The following SH3GL2 variants were observed in gnomAD, a reference collection of about 807,000 sequenced individuals.
SH3GL2 encodes the protein SH3 domain containing GRB2 like 2, endophilin A1.
A neutral mutation model predicts 46.0 loss-of-function variants in SH3GL2; 24 were observed. The ratio of observed to expected loss-of-function variants is 0.52; its 90% CI spans 0.38 to 0.73. SH3GL2 has a LOEUF of 0.73. Among genes scored for constraint, SH3GL2 ranks in the 30% least tolerant of loss-of-function variants. The pLI is 0.00. For missense variants in SH3GL2, 413 were observed against 424.2 expected, an observed-to-expected ratio of 0.97 and a Z score of 0.23; for synonymous variants, 196 against 147.1, an observed-to-expected ratio of 1.33 and a Z score of -2.40.
chr9:17,710,697 G>A (rs148989300), intron 1 of SH3GL2, among the ~76,000 whole-genome samples: 7 of 152,010 alleles, frequency 4.6e-5, no homozygotes, highest in East Asian at 1.9e-4. Context: ...ATGGCATATC[G>A]TTAAAACCTT....
chr9:17,724,597 G>T (rs970866020), intron 1 of SH3GL2, among the ~76,000 whole-genome samples: 2 of 152,084 alleles, frequency 1.3e-5, no homozygotes, highest in African/African-American at 4.8e-5. Context: ...ACATGCATGT[G>T]TGTGTATGTG....
At chr9:17,597,418 G>A (rs143229764) in intron 1 of SH3GL2, among the ~76,000 whole-genome samples, 4,169 of 152,028 alleles carry the variant, frequency 0.027, 127 homozygotes, top group African/African-American at 0.073. Context: ...TCGGGAGGCC[G>A]AGGCAGGAGA....
intron 1 of SH3GL2, among the ~76,000 whole-genome samples, chr9:17,606,986 A>C (rs553442959): frequency 1.3e-5 from 2 of 152,218 alleles, no homozygotes; most frequent in Non-Finnish European, 2.9e-5. Context: ...TCAGAGGAGC[A>C]TGTTTACTAG....
chr9:17,596,138 T>G (rs1040330366), intron 1 of SH3GL2, among the ~76,000 whole-genome samples: 1 of 152,148 alleles, frequency 6.6e-6, no homozygotes, highest in Non-Finnish European at 1.5e-5. Flanking sequence ...GAACTATAAA[T>G]ATATGTCAGT....
At chr9:17,635,346 G>A (rs1236089113) in intron 1 of SH3GL2, among the ~76,000 whole-genome samples, 1 of 152,152 alleles carries the variant, frequency 6.6e-6, no homozygotes, top group Admixed American at 6.5e-5. Context: ...AGTATTCCAT[G>A]TTGTATATGT....
chr9:17,633,462 A>G (rs1039214734), intron 1 of SH3GL2, among the ~76,000 whole-genome samples: 1 of 152,250 alleles, frequency 6.6e-6, no homozygotes, highest in South Asian at 2.1e-4. Flanking sequence ...TAGGTACTGC[A>G]CAAGTGTCCT....
At position 17,645,147 on chromosome 9, in the gene SH3GL2, G is replaced by A. The variant is rs189552063; in HGVS notation, c.45+65860G>A. On this transcript the variant is annotated intron_variant, in intron 1 of 8. Coordinates refer to ENST00000380607, the MANE Select transcript of SH3GL2 (RefSeq NM_003026.5). ...TTTATCAGAGACTAGGATTGCAAAC[G>A]CTGCTTTTTTTTTTTTTTTTTTTTT... is the stretch of plus-strand genomic sequence containing the variant. 5.9e-4 allele frequency among the ~76,000 whole-genome samples: 65 copies of A among 109,580 alleles called. 1 individual carries two copies. Among genetic ancestry groups the A allele is most frequent in the African/African-American group, 1.9e-3 (56 of 29,516 alleles). 71.9% of individuals were successfully genotyped at this position (109,580 alleles called of 152,430 possible).
intron 1 of SH3GL2, among the ~76,000 whole-genome samples, chr9:17,639,473 A>G (rs573060145): frequency 1.2e-4 from 18 of 152,352 alleles, no homozygotes; most frequent in East Asian, 3.9e-4. Flanking sequence ...TAAAGCCACA[A>G]TGCGATACAA....
At chr9:17,642,790 T>G (rs892026931) in intron 1 of SH3GL2, among the ~76,000 whole-genome samples, 1 of 152,206 alleles carries the variant, frequency 6.6e-6, no homozygotes, top group African/African-American at 2.4e-5. Flanking sequence ...GCGTGATACC[T>G]CCAGCTTTGT....
At chr9:17,687,359 A>C (rs911310574) in intron 1 of SH3GL2, among the ~76,000 whole-genome samples, 1 of 152,146 alleles carries the variant, frequency 6.6e-6, no homozygotes. Flanking sequence ...GGATTTTGTG[A>C]GAACAGGAGA....
At chr9:17,745,981 T>G (rs1481695804) in intron 1 of SH3GL2, among the ~76,000 whole-genome samples, 1 of 152,216 alleles carries the variant, frequency 6.6e-6, no homozygotes, top group African/African-American at 2.4e-5. Flanking sequence ...CATTAACATT[T>G]AGTATTTGTG....
chr9:17,711,810 G>A (rs1478891249), intron 1 of SH3GL2, among the ~76,000 whole-genome samples: 1 of 151,700 alleles, frequency 6.6e-6, no homozygotes, highest in Non-Finnish European at 1.5e-5. Context: ...ATGGATGTAT[G>A]TTTTCTTTAG....
chr9:17,741,836 C>CA (rs1426897189), intron 1 of SH3GL2, among the ~76,000 whole-genome samples: 1 of 152,058 alleles, frequency 6.6e-6, no homozygotes, highest in African/African-American at 2.4e-5. Flanking sequence ...GGTAATCCAA[C>CA]AGATGATGTC....
chr9:17,718,939 C>T (rs1821826715), intron 1 of SH3GL2, among the ~76,000 whole-genome samples: 1 of 152,046 alleles, frequency 6.6e-6, no homozygotes, highest in Non-Finnish European at 1.5e-5. Context: ...TGTATTTATT[C>T]TGCCATCCAC....
At chr9:17,783,185 A>C (rs1823861728) in intron 3 of SH3GL2, among the ~76,000 whole-genome samples, 1 of 152,068 alleles carries the variant, frequency 6.6e-6, no homozygotes, top group South Asian at 2.1e-4. Flanking sequence ...TCAGGGATTC[A>C]CAGCTAACTA....
At chr9:17,764,631 G>C (rs1290271060) in intron 3 of SH3GL2, among the ~76,000 whole-genome samples, 2 of 151,150 alleles carry the variant, frequency 1.3e-5, no homozygotes, top group Admixed American at 6.6e-5. Flanking sequence ...TTGATGCTTC[G>C]AGGGTACTTT....
At chr9:17,790,746 G>A (rs1246225850) in intron 6 of SH3GL2, among the ~76,000 whole-genome samples, 2 of 152,148 alleles carry the variant, frequency 1.3e-5, no homozygotes, top group South Asian at 2.1e-4. Context: ...CATTACAGAT[G>A]AGGCTCAGAG....
At chr9:17,693,340 A>C (rs1353460352) in intron 1 of SH3GL2, among the ~76,000 whole-genome samples, 1 of 152,114 alleles carries the variant, frequency 6.6e-6, no homozygotes, top group Non-Finnish European at 1.5e-5. Context: ...ACCATTTAGG[A>C]GGCTTAATGG....
chr9:17,621,447 T>C lies in SH3GL2; in HGVS notation c.45+42160T>C, dbSNP rs370590340. On this transcript the variant is annotated intron_variant, in intron 1 of 8. Transcript: ENST00000380607. ...GCACCTTCATTCAATTCCTGCTTTTTGTAACATATCCCATGATCACAATCA... is the reference window on the plus strand; with the variant it reads ...GCACCTTCATTCAATTCCTGCTTTTCGTAACATATCCCATGATCACAATCA... 4.3e-4 allele frequency among the ~76,000 whole-genome samples: 65 copies of C among 152,368 alleles called. 2 individuals carry two copies. The South Asian group carries it at 0.012, about 29-fold the overall frequency.
Sources: gnomAD v4.1 joint callset for allele counts (sites outside exome capture counted in the v4.1 genomes callset) on GRCh38, gnomAD v4.1.1 for gene constraint, MANE v1.5 for transcripts, NCBI Gene and HGNC (gene_info 2026-07-23, HGNC 2026-07-21) for gene names.